ZDHHC2: variants seen among roughly 807,000 people sequenced by gnomAD.
The protein encoded by ZDHHC2 is zDHHC palmitoyltransferase 2, also known as palmitoyltransferase ZDHHC2.
In ZDHHC2, 51 loss-of-function variants were observed where a neutral mutation model predicts 55.6. That is an observed-to-expected ratio of 0.92 (90% CI 0.73 to 1.16). The LOEUF is 1.16. Ranked by LOEUF, ZDHHC2 falls within the 50% of genes most tolerant of loss-of-function variation. The pLI is 0.00. For synonymous variants in ZDHHC2, 199 were observed against 152.9 expected (o/e 1.30, Z -2.22); for missense variants, 491 against 442.4 (o/e 1.11, Z -0.99).
At chr8:17,185,196 T>C (rs560371480) in intron 2 of ZDHHC2, among the ~76,000 whole-genome samples, 2 of 152,368 alleles carry the variant, frequency 1.3e-5, no homozygotes, top group South Asian at 4.1e-4. Flanking sequence ...AATGATTCTA[T>C]GAGTATCCTC....
intron 8 of ZDHHC2, among the ~76,000 whole-genome samples, chr8:17,209,193 C>T (rs1325022129): frequency 6.6e-6 from 1 of 152,118 alleles, no homozygotes; most frequent in African/African-American, 2.4e-5. Flanking sequence ...CCTCTCTGAA[C>T]CAGCTTCGAT....
chr8:17,185,765 A>G (rs1180371508), intron 2 of ZDHHC2, among the ~76,000 whole-genome samples: 2 of 152,192 alleles, frequency 1.3e-5, no homozygotes, highest in African/African-American at 4.8e-5. Flanking sequence ...TATTCAGAAC[A>G]CTTTTTTAAA....
chr8:17,172,470 G>A (rs1804907005), intron 1 of ZDHHC2, among the ~76,000 whole-genome samples: 2 of 152,166 alleles, frequency 1.3e-5, no homozygotes, highest in Admixed American at 6.5e-5. Context: ...TGGGTACAAA[G>A]TTTCAGGTAC....
intron 3 of ZDHHC2, among the ~76,000 whole-genome samples, chr8:17,193,641 G>A (rs926135875): frequency 1.3e-5 from 2 of 152,216 alleles, no homozygotes; most frequent in African/African-American, 2.4e-5. Context: ...AGTTTGCTCC[G>A]GCCCTGGCCG....
chr8:17,171,285 G>A lies in ZDHHC2; in HGVS notation c.131-13504G>A, dbSNP rs537853501. On this transcript the variant is annotated intron_variant, in intron 1 of 12. Transcript: ENST00000262096. ...TGCCCTCAAATCTGCACAACTTGCT[G>A]GCACTAGGAGCCTCTTCTATTTTAA... Among the ~76,000 whole-genome samples, 15 of 152,202 alleles carry A rather than the reference G, an allele frequency of 9.9e-5. 1 individual carries two copies. The highest frequency in any genetic ancestry group is 1.5e-4 in the Non-Finnish European group (10 of 68,046).
At chr8:17,210,908 G>C (rs916930905) in intron 10 of ZDHHC2, among the ~76,000 whole-genome samples, 5 of 152,098 alleles carry the variant, frequency 3.3e-5, no homozygotes, top group Middle Eastern at 3.2e-3. Context: ...TGGACCCCCA[G>C]ACACCTTCTT....
In ZDHHC2 at chr8:17,167,598, A is replaced by G. The variant is rs182717111; in HGVS notation, c.130+10745A>G. On this transcript the variant is annotated intron_variant, in intron 1 of 12. Coordinates refer to ENST00000262096, the MANE Select transcript of ZDHHC2 (RefSeq NM_016353.5). ...GGCGTGAGCCACCACGCCCGGCCAC[A>G]AGCTGGTAATATTTTTATGGTTTCA... Among the ~76,000 whole-genome samples, 217 of 152,256 alleles carry G rather than the reference A, an allele frequency of 1.4e-3. 4 individuals are homozygous for G. The highest frequency in any genetic ancestry group is 0.013 in the Admixed American group (199 of 15,298).
intron 10 of ZDHHC2, among the ~76,000 whole-genome samples, chr8:17,213,014 T>C (rs1358436302): frequency 1.3e-5 from 2 of 152,082 alleles, no homozygotes; most frequent in African/African-American, 4.8e-5. Flanking sequence ...TACTTTCCTT[T>C]CACTTACAAT....
chr8:17,189,222 T>A (rs1473988814), intron 3 of ZDHHC2, among the ~76,000 whole-genome samples: 2 of 151,448 alleles, frequency 1.3e-5, no homozygotes, highest in East Asian at 3.9e-4. Context: ...CTCACCTTTT[T>A]GATGTCTTTA....
intron 1 of ZDHHC2, among the ~76,000 whole-genome samples, chr8:17,166,031 C>T (rs1188074281): frequency 2.0e-5 from 3 of 152,172 alleles, no homozygotes; most frequent in African/African-American, 7.2e-5. Flanking sequence ...GGGGAGAAAG[C>T]AGAGATCATG....
chr8:17,171,296 C>A (rs551756924), intron 1 of ZDHHC2, among the ~76,000 whole-genome samples: 16 of 152,280 alleles, frequency 1.1e-4, no homozygotes, highest in African/African-American at 3.6e-4. Context: ...GCACTAGGAG[C>A]CTCTTCTATT....
chr8:17,200,547 G>A (rs1230530624), intron 6 of ZDHHC2, among the ~76,000 whole-genome samples: 1 of 152,150 alleles, frequency 6.6e-6, no homozygotes, highest in African/African-American at 2.4e-5. Flanking sequence ...GACAAGGAAT[G>A]GAGAGGTGGA....
intron 1 of ZDHHC2, among the ~76,000 whole-genome samples, chr8:17,181,346 C>A (rs1184885802): frequency 6.6e-6 from 1 of 152,102 alleles, no homozygotes; most frequent in Non-Finnish European, 1.5e-5. Flanking sequence ...GAAGTTGTAA[C>A]GTTTTTGTTA....
chr8:17,169,853 C>A (rs1804770015), intron 1 of ZDHHC2, among the ~76,000 whole-genome samples: 1 of 151,990 alleles, frequency 6.6e-6, no homozygotes, highest in African/African-American at 2.4e-5. Context: ...CAATTCCTTG[C>A]ATAATTTTTT....
chr8:17,217,358 A>T, intron 12 of ZDHHC2, 112 bp downstream of exon 12: 1 of 781,570 alleles, frequency 1.3e-6, no homozygotes, highest in African/African-American at 1.8e-5. Flanking sequence ...CATATAGAAG[A>T]TCTTTTACCT....
chr8:17,207,144 G>A (rs1006815274), intron 7 of ZDHHC2, among the ~76,000 whole-genome samples: 1 of 152,194 alleles, frequency 6.6e-6, no homozygotes, highest in Non-Finnish European at 1.5e-5. Flanking sequence ...CTGTCAGTGA[G>A]GTCTTGTGAC....
chr8:17,192,481 T>C (rs1194787842), intron 3 of ZDHHC2, among the ~76,000 whole-genome samples: 1 of 152,240 alleles, frequency 6.6e-6, no homozygotes, highest in East Asian at 1.9e-4. Context: ...TAGATTTTTT[T>C]CCTATAGAGT....
chr8:17,217,999 A>C (rs1807726471), intron 12 of ZDHHC2, among the ~76,000 whole-genome samples: 1 of 152,212 alleles, frequency 6.6e-6, no homozygotes, highest in African/African-American at 2.4e-5. Flanking sequence ...GAAAAGCAAG[A>C]GATTCACTTG....
intron 5 of ZDHHC2, 36 bp downstream of exon 5, chr8:17,197,687 C>T (rs1425283531): frequency 6.4e-7 from 1 of 1,565,428 alleles, no homozygotes; most frequent in Non-Finnish European, 8.8e-7. Context: ...TATCTACATG[C>T]TGGTGGTCTT....
Sources: allele counts gnomAD v4.1 joint callset (sites outside exome capture counted in the v4.1 genomes callset), GRCh38; gene constraint gnomAD v4.1.1; transcripts MANE v1.5; gene names NCBI Gene and HGNC (gene_info 2026-07-23, HGNC 2026-07-21).